The following NAV2 variants were observed in gnomAD, a reference collection of about 807,000 sequenced individuals.
NAV2 encodes neuron navigator 2, also known as helicase, APC down-regulated 1.
A neutral mutation model predicts 223.2 loss-of-function variants in NAV2; 54 were observed. That is an observed-to-expected ratio of 0.24 (90% CI 0.19 to 0.30). NAV2 has a LOEUF of 0.30. Among genes scored for constraint, NAV2 ranks in the 10% least tolerant of loss-of-function variants. The probability of loss-of-function intolerance (pLI) is 1.00; values close to 1 mark genes in which losing one functional copy is unlikely to be tolerated. For missense variants in NAV2, 2,806 were observed against 3,147.5 expected, an observed-to-expected ratio of 0.89 and a Z score of 2.60; for synonymous variants, 1,279 against 1,239.3, an observed-to-expected ratio of 1.03 and a Z score of -0.67.
At chr11:19,505,243 G>A (rs934699295) in intron 1 of NAV2, 3 of 152,250 alleles carry the variant, frequency 2.0e-5, no homozygotes, top group African/African-American at 7.2e-5. Flanking sequence ...ACATACCTGA[G>A]ACTGCCATTA....
At chr11:19,400,260 A>G (rs11025119) in intron 1 of NAV2, among the ~76,000 whole-genome samples, 57,068 of 152,084 alleles carry the variant, frequency 0.38, 10,982 homozygotes, top group East Asian at 0.53. Context: ...CACAAGGAAG[A>G]GGAAGATACA....
In NAV2 at chr11:19,513,552, T is replaced by A. The variant is rs111341930; in HGVS notation, c.75+162525T>A. 2.4e-3 allele frequency among the ~76,000 whole-genome samples: 370 copies of A among 152,246 alleles called. 1 individual carries two copies. Among genetic ancestry groups the A allele is most frequent in the African/African-American group, 8.4e-3 (349 of 41,538 alleles). On this transcript the variant is annotated intron_variant, in intron 1 of 37. Coordinates refer to the NAV2 transcript ENST00000360655. ...TAGACAGTCATGGGCCCTGTCCCCA[T>A]GAAGCACAGGCATGCTTGGCACACT...
intron 1 of NAV2, among the ~76,000 whole-genome samples, chr11:19,514,280 A>C (rs185745270): frequency 6.6e-6 from 1 of 152,252 alleles, no homozygotes; most frequent in East Asian, 1.9e-4. Flanking sequence ...TCAAGCTTGG[A>C]GGGAGACTGT....
At chr11:19,722,563 G>C (rs1455151865) in intron 1 of NAV2, among the ~76,000 whole-genome samples, 1 of 152,184 alleles carries the variant, frequency 6.6e-6, no homozygotes, top group African/African-American at 2.4e-5. Flanking sequence ...GACTGCGATT[G>C]CTTATTTTGC....
intron 1 of NAV2, chr11:19,778,044 C>G: frequency 2.2e-6 from 1 of 451,152 alleles, no homozygotes; most frequent in Non-Finnish European, 4.5e-6. Flanking sequence ...CTCTTTCAAG[C>G]TTGCAAAGAA....
intron 11 of NAV2, among the ~76,000 whole-genome samples, chr11:20,028,584 C>T (rs1030261366): frequency 5.9e-5 from 9 of 152,128 alleles, no homozygotes; most frequent in African/African-American, 1.7e-4. Context: ...TATAGCTGTG[C>T]GCTACAATCT....
rs534739673 is a variant in NAV2, at chr11:19,618,424, G to A, written c.76-214060G>A. On this transcript the variant is annotated intron_variant, in intron 1 of 37. Coordinates refer to the NAV2 transcript ENST00000360655. ...TAGATGGATGGATGGATGGATGGAT[G>A]GATGGATGGATGGACGGATGGGTGG... Among the ~76,000 whole-genome samples, 188 of 150,512 alleles carry A rather than the reference G, an allele frequency of 1.2e-3. 1 individual carries two copies. The highest frequency in any genetic ancestry group is 4.4e-3 in the African/African-American group (179 of 40,580).
chr11:20,050,569 C>T (rs1283195362), intron 16 of NAV2, among the ~76,000 whole-genome samples: 1 of 145,606 alleles, frequency 6.9e-6, no homozygotes, highest in Non-Finnish European at 1.5e-5. Flanking sequence ...TTGTCTCCTG[C>T]CAGAAAAAAA....
chr11:19,907,044 C>T (rs1206127429), intron 6 of NAV2, among the ~76,000 whole-genome samples: 3 of 152,154 alleles, frequency 2.0e-5, no homozygotes, highest in Admixed American at 6.5e-5. Context: ...CTTCACATTC[C>T]TCAGCTCTAA....
chr11:19,838,257 C>T (rs2060333673), intron 2 of NAV2, among the ~76,000 whole-genome samples: 2 of 152,090 alleles, frequency 1.3e-5, no homozygotes, highest in Non-Finnish European at 2.9e-5. Context: ...GTGATGATGG[C>T]ATGGTTGAGG....
intron 1 of NAV2, among the ~76,000 whole-genome samples, chr11:19,782,845 T>C (rs748496556): frequency 3.9e-5 from 6 of 152,208 alleles, no homozygotes; most frequent in Non-Finnish European, 5.9e-5. Context: ...TTGACAGATA[T>C]TGTTTAAACA....
rs1850478696 is a variant in NAV2 at position 19,418,597 on chromosome 11, G to A, written c.75+67570G>A. Among the ~76,000 whole-genome samples, 3 of 152,182 alleles carry A rather than the reference G, an allele frequency of 2.0e-5. No homozygotes were observed. In the South Asian group the frequency reaches 6.2e-4, roughly 32 times the overall value. ...AGCATATGATGGTAGGAGAGCGTAGGGGCACATTTAAGGAACTGAAAGACC... is the reference window on the plus strand; with the variant it reads ...AGCATATGATGGTAGGAGAGCGTAGAGGCACATTTAAGGAACTGAAAGACC... On this transcript the variant is annotated intron_variant, in intron 1 of 37. Transcript: ENST00000360655.
At chr11:19,684,518 AG>A (rs1216072007) in intron 1 of NAV2, among the ~76,000 whole-genome samples, 6 of 152,096 alleles carry the variant, frequency 3.9e-5, no homozygotes, top group Non-Finnish European at 8.8e-5. Flanking sequence ...GGAGCACCCA[AG>A]CACTACCTAA....
At chr11:19,740,536 G>A (rs2052708060) in intron 1 of NAV2, among the ~76,000 whole-genome samples, 1 of 151,556 alleles carries the variant, frequency 6.6e-6, no homozygotes, top group Non-Finnish European at 1.5e-5. Flanking sequence ...CCCTCTCTGA[G>A]AAACACCCAA....
intron 1 of NAV2, among the ~76,000 whole-genome samples, chr11:19,563,861 A>G (rs1319634517): frequency 6.6e-6 from 1 of 152,214 alleles, no homozygotes; most frequent in African/African-American, 2.4e-5. Flanking sequence ...GGTTATTGAG[A>G]GAGTTAAGGG....
At chr11:19,959,309 A>G (rs2048157791) in intron 10 of NAV2, among the ~76,000 whole-genome samples, 1 of 152,156 alleles carries the variant, frequency 6.6e-6, no homozygotes, top group South Asian at 2.1e-4. Flanking sequence ...CTCAGGGCGC[A>G]GAGGGGAAGA....
intron 1 of NAV2, among the ~76,000 whole-genome samples, chr11:19,739,964 G>C (rs2052650580): frequency 1.3e-5 from 2 of 152,230 alleles, no homozygotes; most frequent in South Asian, 4.2e-4. Context: ...AGGGGAAACT[G>C]TATTATCCTC....
intron 28 of NAV2, among the ~76,000 whole-genome samples, 164 bp downstream of exon 28, chr11:20,092,532 A>T (rs1247168268): frequency 6.6e-6 from 1 of 152,134 alleles, no homozygotes; most frequent in Non-Finnish European, 1.5e-5. Context: ...TGCTACCAAC[A>T]TGAGCCCAGC....
chr11:19,385,204 C>T (rs1848988592), intron 1 of NAV2, among the ~76,000 whole-genome samples: 1 of 152,160 alleles, frequency 6.6e-6, no homozygotes, highest in Non-Finnish European at 1.5e-5. Context: ...GGATATGGAG[C>T]AAATGGGATC....
Sources: allele counts gnomAD v4.1 joint callset (sites outside exome capture counted in the v4.1 genomes callset), GRCh38; gene constraint gnomAD v4.1.1; transcripts MANE v1.5; gene names NCBI Gene and HGNC (gene_info 2026-07-23, HGNC 2026-07-21).